Variants in NCKAP5 observed in about 807,000 individuals in gnomAD.
The protein encoded by NCKAP5 is nck-associated protein 5.
Under a neutral mutation model 167.0 loss-of-function variants are expected in NCKAP5, and 92 were observed. The ratio of observed to expected loss-of-function variants is 0.55; its 90% confidence interval spans 0.47 to 0.66. NCKAP5 has a LOEUF of 0.66. Among genes scored for constraint, NCKAP5 ranks in the 30% least tolerant of loss-of-function variants. The pLI, the probability that NCKAP5 is intolerant of heterozygous loss-of-function variation, is 0.00. For missense variants in NCKAP5, 2,378 were observed against 2,315.0 expected (o/e 1.03, Z -0.56); for synonymous variants, 891 against 877.4 (o/e 1.02, Z -0.27).
intron 2 of NCKAP5, among the ~76,000 whole-genome samples, chr2:133,552,516 A>G (rs1687409539): frequency 7.0e-6 from 1 of 143,460 alleles, no homozygotes; most frequent in Non-Finnish European, 1.5e-5. Flanking sequence ...AACACCGCAT[A>G]TTCTCACTCA....
intron 6 of NCKAP5, among the ~76,000 whole-genome samples, chr2:133,068,551 C>T (rs1433866353): frequency 1.3e-5 from 2 of 152,154 alleles, no homozygotes; most frequent in African/African-American, 4.8e-5. Flanking sequence ...AGACATTGTT[C>T]CACAGAGAGG....
chr2:133,654,077 C>A, the NCKAP5 span, among the ~76,000 whole-genome samples: 1 of 152,058 alleles, frequency 6.6e-6, no homozygotes, highest in Non-Finnish European at 1.5e-5. Context: ...TTTACTACAT[C>A]ATATGCAAGT....
chr2:133,245,067 T>C (rs1384917945), intron 4 of NCKAP5, among the ~76,000 whole-genome samples: 1 of 152,208 alleles, frequency 6.6e-6, no homozygotes, highest in Non-Finnish European at 1.5e-5. Context: ...CAGAGGTCTC[T>C]GCCACTGCTG....
intron 19 of NCKAP5, among the ~76,000 whole-genome samples, chr2:132,716,151 G>A (rs1044190132): frequency 6.6e-6 from 1 of 152,138 alleles, no homozygotes; most frequent in South Asian, 2.1e-4. Context: ...CAATTGCACT[G>A]GTGAGACGAT....
intron 4 of NCKAP5, among the ~76,000 whole-genome samples, chr2:133,288,056 A>T (rs1378567049): frequency 6.6e-6 from 1 of 152,206 alleles, no homozygotes; most frequent in Non-Finnish European, 1.5e-5. Context: ...ATGAGATATT[A>T]TGAGGAGCTA....
At position 133,399,397 on chromosome 2, in the gene NCKAP5, A is replaced by G. The variant is rs187594136; in HGVS notation, c.70-96287T>C. Among the ~76,000 whole-genome samples the G allele has an allele frequency of 4.0e-5, 6 of 151,780 alleles. No homozygotes were observed. The East Asian group carries it at 1.2e-3, about 29-fold the overall frequency. ...TTGACCCTAAGATTAAAAAAAAAAA[A>G]CAAAACATAAAACAGCTGTCATTAT... On this transcript the variant is annotated intron_variant, in intron 3 of 19. Transcript: ENST00000409261.
chr2:133,507,766 T>C (rs1683138992), intron 3 of NCKAP5, among the ~76,000 whole-genome samples: 1 of 152,156 alleles, frequency 6.6e-6, no homozygotes. Context: ...GCATGAAAAC[T>C]GGCAGAAAGA....
intron 16 of NCKAP5, among the ~76,000 whole-genome samples, chr2:132,757,392 C>T (rs1408940990): frequency 6.6e-6 from 1 of 152,172 alleles, no homozygotes; most frequent in Non-Finnish European, 1.5e-5. Context: ...TTAAAAAGTA[C>T]CCAGATCAGC....
intron 8 of NCKAP5, among the ~76,000 whole-genome samples, chr2:132,954,141 C>T (rs939890220): frequency 2.0e-5 from 3 of 152,168 alleles, no homozygotes; most frequent in Non-Finnish European, 4.4e-5. Context: ...TGAGTAGTGT[C>T]TCTATGACTT....
At chr2:133,545,554 C>T (rs1575133838) in intron 2 of NCKAP5, among the ~76,000 whole-genome samples, 1 of 152,206 alleles carries the variant, frequency 6.6e-6, no homozygotes, top group African/African-American at 2.4e-5. Context: ...TGGGCTCTGC[C>T]ATCCCACAAG....
At chr2:133,483,161 C>A (rs1005498694) in intron 3 of NCKAP5, among the ~76,000 whole-genome samples, 1 of 152,084 alleles carries the variant, frequency 6.6e-6, no homozygotes, top group Non-Finnish European at 1.5e-5. Flanking sequence ...TAAGTAGCTC[C>A]AAATACACAA....
At chr2:133,221,991 G>T (rs535589384) in intron 4 of NCKAP5, among the ~76,000 whole-genome samples, 1 of 152,292 alleles carries the variant, frequency 6.6e-6, no homozygotes, top group East Asian at 1.9e-4. Context: ...CATTTAAAAA[G>T]ATAACCATAA....
chr2:133,125,280 A>G (rs2082368652), intron 6 of NCKAP5, among the ~76,000 whole-genome samples: 3 of 149,506 alleles, frequency 2.0e-5, no homozygotes, highest in African/African-American at 7.4e-5. Context: ...CCTAACTTGG[A>G]GACAATATTC....
At chr2:133,307,894 T>A (rs1468889538) in intron 3 of NCKAP5, among the ~76,000 whole-genome samples, 1 of 150,982 alleles carries the variant, frequency 6.6e-6, no homozygotes, top group Admixed American at 6.6e-5. Flanking sequence ...AGGAGGTTCA[T>A]CCCCCCAAAA....
At chr2:132,745,065 C>A (rs1574062188) in intron 16 of NCKAP5, among the ~76,000 whole-genome samples, 1 of 151,686 alleles carries the variant, frequency 6.6e-6, no homozygotes, top group South Asian at 2.1e-4. Context: ...TTTATAAACT[C>A]CTTTAGAAAA....
Position 132,818,972 on chromosome 2 carries a change from C to G in NCKAP5, c.808-22243G>C, listed in dbSNP as rs143855175. Reference sequence around the variant, plus strand: ...AAAGGAAGCACACGTATTACCATCTCATATATGTTTTTCCAATATTTTGGC... The same window carrying G: ...AAAGGAAGCACACGTATTACCATCTGATATATGTTTTTCCAATATTTTGGC... On this transcript the variant is annotated intron_variant, in intron 11 of 19. Coordinates refer to ENST00000409261, the MANE Select transcript of NCKAP5 (RefSeq NM_207363.3). Among the ~76,000 whole-genome samples, 215 of 152,320 alleles carry G rather than the reference C, an allele frequency of 1.4e-3. 1 individual carries two copies. The highest frequency in any genetic ancestry group is 4.9e-3 in the African/African-American group (204 of 41,562).
chr2:133,129,133 T>G, intron 6 of NCKAP5, among the ~76,000 whole-genome samples: 1 of 151,242 alleles, frequency 6.6e-6, no homozygotes, highest in African/African-American at 2.4e-5. Flanking sequence ...TTAGGGTACA[T>G]GTGCACAATG....
At chr2:133,462,243 C>T (rs1219832719) in intron 3 of NCKAP5, among the ~76,000 whole-genome samples, 1 of 152,132 alleles carries the variant, frequency 6.6e-6, no homozygotes, top group Non-Finnish European at 1.5e-5. Flanking sequence ...TTGGGTCTCA[C>T]CTTCATTGGG....
At chr2:133,387,805 A>C (rs1243865940) in intron 3 of NCKAP5, among the ~76,000 whole-genome samples, 1 of 152,158 alleles carries the variant, frequency 6.6e-6, no homozygotes, top group East Asian at 1.9e-4. Context: ...ATCTTCAGTC[A>C]CTGATATCCT....
Sources: gnomAD v4.1 joint callset for allele counts (sites outside exome capture counted in the v4.1 genomes callset) on GRCh38, gnomAD v4.1.1 for gene constraint, MANE v1.5 for transcripts, NCBI Gene and HGNC (gene_info 2026-07-23, HGNC 2026-07-21) for gene names.